The following ZNF771 variants were observed in gnomAD, a reference collection of about 807,000 sequenced individuals.
ZNF771 encodes the protein mesenchymal stem cell protein DSC43.
A neutral mutation model predicts 27.6 loss-of-function variants in ZNF771; 10 were observed. The ratio of observed to expected loss-of-function variants is 0.36; its 90% confidence interval spans 0.22 to 0.61. The LOEUF (loss-of-function observed/expected upper bound fraction) is 0.61. ZNF771 is among the 20% of genes least tolerant of loss of function. ZNF771 has a pLI of 0.70. For synonymous variants in ZNF771, 261 were observed against 225.2 expected (o/e 1.16, Z -1.43); for missense variants, 438 against 503.7 (o/e 0.87, Z 1.25).
intron 2 of ZNF771, among the ~76,000 whole-genome samples, chr16:30,408,963 C>T (rs1200113587): frequency 6.6e-6 from 1 of 151,230 alleles, no homozygotes; most frequent in Non-Finnish European, 1.5e-5. Context: ...TGCACCACTA[C>T]ACCTGGCTAA....
intron 2 of ZNF771, among the ~76,000 whole-genome samples, chr16:30,411,491 A>G (rs1462499384): frequency 2.0e-5 from 3 of 152,186 alleles, no homozygotes; most frequent in Non-Finnish European, 4.4e-5. Context: ...TGTGCGGTGA[A>G]GGTCTGACAT....
At chr16:30,407,938 C>T in intron 1 of ZNF771, 107 bp from the exon 2 acceptor site, 1 of 708,644 alleles carries the variant, frequency 1.4e-6, no homozygotes, top group Non-Finnish European at 2.2e-6. Context: ...CAGGGCAGGG[C>T]GGGAGAAGCC....
chr16:30,416,920 TAA>T (rs34982677), intron 2 of ZNF771, among the ~76,000 whole-genome samples: 38 of 100,802 alleles, frequency 3.8e-4, no homozygotes, highest in Admixed American at 5.4e-4. Context: ...CCCTGTCTCT[TAA>T]AAAAAAAAAA....
rs951058409 is a variant in ZNF771 at position 30,418,114 on chromosome 16, C to T, written c.701C>T (p.Ala234Val). The change falls in exon 3 of 3, where the codon GCT becomes GTT. Residue 234 changes from alanine to valine, a missense_variant. Ala to Val is a moderately conservative substitution (Grantham distance 64). This residue lies in a region of ZNF771 where 305 missense variants were observed against 308.0 expected (regional missense o/e 0.99). Transcript: ENST00000319296. The part of the protein sequence containing the change: ...VHTGEKPHRC[A>V]VCGRRFGHRS... Reference sequence around the variant, plus strand: ...ACGGGCGAGAAGCCGCACCGCTGCGCTGTGTGTGGCCGTCGCTTCGGCCAC... The same window carrying T: ...ACGGGCGAGAAGCCGCACCGCTGCGTTGTGTGTGGCCGTCGCTTCGGCCAC... 5.4e-6 allele frequency: 8 copies of T among 1,479,168 alleles called. No homozygotes were observed. The highest frequency in any genetic ancestry group is 7.1e-6 in the Non-Finnish European group (8 of 1,122,176). 91.6% of individuals were successfully genotyped at this position (1,479,168 alleles called of 1,614,324 possible). A position where few individuals can be genotyped will look rare whatever the true frequency, so the allele number is the denominator to read the frequency against.
Position 30,418,438 on chromosome 16 carries a change from CCG to C in ZNF771, c.*72_*73del. On this transcript the variant is annotated 3_prime_UTR_variant, in exon 3 of 3. Transcript: ENST00000319296. ...GCACTAACCCAGGCTCCTCCTCGCC[CCG>C]GCCTCCGGGTCTGGGAAATTGAGGG... 7 of 1,327,812 alleles carry C rather than the reference CCG, an allele frequency of 5.3e-6. No homozygotes were observed. The highest frequency in any genetic ancestry group is 6.8e-6 in the Non-Finnish European group (7 of 1,035,492). 82.3% of individuals were successfully genotyped at this position (1,327,812 alleles called of 1,614,324 possible). A position where few individuals can be genotyped will look rare whatever the true frequency, so the allele number is the denominator to read the frequency against.
chr16:30,417,700 G>A lies in ZNF771; in HGVS notation c.287G>A (p.Cys96Tyr). The change falls in exon 3 of 3, where the codon TGC (cysteine) becomes TAC (tyrosine). Residue 96 changes from cysteine (C) to tyrosine (Y), a missense_variant. Around this residue, in one of 3 missense-constraint regions of ZNF771, gnomAD observed 49 missense variants for 106.5 expected, o/e 0.46. Transcript: ENST00000319296. ...GAACGGCCCTTCGGGTGCACCGAGT[G>A]CGGGCGGCGCTTCTCACAGAAGTCG... ...TGERPFGCTE[C>Y]GRRFSQKSAL... The A allele has an allele frequency of 7.2e-7, 1 of 1,394,198 alleles. No individual in the cohort carries two copies. The allele number at this position is 1,394,198 out of a possible 1,614,324, so 86.4% of individuals were successfully genotyped here.
In ZNF771 at chr16:30,418,416, C is replaced by T. The variant is rs2050150523; in HGVS notation, c.*49C>T. 7.4e-7 allele frequency: 1 copy of T among 1,349,056 alleles called. No homozygotes were observed. The highest frequency in any genetic ancestry group is 1.8e-5 in the South Asian group (1 of 56,652). 83.6% of individuals were successfully genotyped at this position (1,349,056 alleles called of 1,614,324 possible). A position where few individuals can be genotyped will look rare whatever the true frequency, so the allele number is the denominator to read the frequency against. ...GCGCTGGGGCTTCGACCTGGCTGCA[C>T]TAACCCAGGCTCCTCCTCGCCCCGG... On this transcript the variant is annotated 3_prime_UTR_variant, in exon 3 of 3. Transcript: ENST00000319296.
rs373391412 is a variant in ZNF771 at position 30,419,186 on chromosome 16, A to G, written c.*819A>G. 2.0e-5 allele frequency: 3 copies of G among 152,464 alleles called. No homozygotes were observed. The highest frequency in any genetic ancestry group is 3.9e-4 in the East Asian group (2 of 5,188). 9.4% of individuals were successfully genotyped at this position (152,464 alleles called of 1,614,324 possible). A position where few individuals can be genotyped will look rare whatever the true frequency, so the allele number is the denominator to read the frequency against. On this transcript the variant is annotated 3_prime_UTR_variant, in exon 3 of 3. Coordinates refer to ENST00000319296, the MANE Select transcript of ZNF771 (RefSeq NM_001142305.2). ...GGGAGACAGAGGTTGCAATGAACCG[A>G]GATAGTGCCATTGCACTCCGGCCTG... is the stretch of plus-strand genomic sequence containing the variant.
chr16:30,418,397 G>A lies in ZNF771; in HGVS notation c.*30G>A. 7 of 1,364,364 alleles carry A rather than the reference G, an allele frequency of 5.1e-6. No individual in the cohort carries two copies. Among genetic ancestry groups the A allele is most frequent in the Non-Finnish European group, 6.6e-6 (7 of 1,063,388 alleles). 84.5% of individuals were successfully genotyped at this position (1,364,364 alleles called of 1,614,324 possible). On this transcript the variant is annotated 3_prime_UTR_variant, in exon 3 of 3. Coordinates refer to ENST00000319296, the MANE Select transcript of ZNF771 (RefSeq NM_001142305.2). ...CGCAGGGCTGCGGAGGGGCGCGCTGGGGCTTCGACCTGGCTGCACTAACCC... is the reference window on the plus strand; with the variant it reads ...CGCAGGGCTGCGGAGGGGCGCGCTGAGGCTTCGACCTGGCTGCACTAACCC...
rs2151126218 is a variant in ZNF771 at position 30,417,866 on chromosome 16, C to A, written c.453C>A (p.His151Gln). The A allele has an allele frequency of 1.3e-6, 2 of 1,503,602 alleles. No individual in the cohort carries two copies. Among genetic ancestry groups the A allele is most frequent in the South Asian group, 2.5e-5 (2 of 80,636 alleles). 93.1% of individuals were successfully genotyped at this position (1,503,602 alleles called of 1,614,324 possible). A position where few individuals can be genotyped will look rare whatever the true frequency, so the allele number is the denominator to read the frequency against. Residue 151 changes from histidine to glutamine, a missense_variant, in exon 3 of 3, where the codon CAC (histidine) becomes CAA (glutamine). By Grantham distance (24) the His-to-Gln change is conservative. This residue lies in a region of ZNF771 where 305 missense variants were observed against 308.0 expected (regional missense o/e 0.99). Transcript: ENST00000319296. ...HTGEKPYACA[H>Q]CGRRFAQSSN... is the part of the protein sequence containing the mutation. ...GCGAGAAGCCGTACGCATGCGCGCACTGCGGCCGCCGCTTCGCGCAGAGCT... is the reference window on the plus strand; with the variant it reads ...GCGAGAAGCCGTACGCATGCGCGCAATGCGGCCGCCGCTTCGCGCAGAGCT...
chr16:30,418,061 G>A lies in ZNF771; in HGVS notation c.648G>A (p.Ser216=), dbSNP rs780184432. The change falls in exon 3 of 3, where the codon TCG becomes TCA. Residue 216 remains serine (S), a synonymous_variant. Coordinates refer to ENST00000319296, the MANE Select transcript of ZNF771 (RefSeq NM_001142305.2). Reference sequence around the variant, plus strand: ...GCGGCACGCGCTTCGCTCAGAGCTCGGCGCTGGCCAAGCACCGGCGCGTGC... The same window carrying A: ...GCGGCACGCGCTTCGCTCAGAGCTCAGCGCTGGCCAAGCACCGGCGCGTGC... The part of the protein sequence containing the change: ...ADCGTRFAQS[S]ALAKHRRVHT... The A allele has an allele frequency of 7.5e-6, 11 of 1,469,504 alleles. No individual in the cohort carries two copies. In the South Asian group the frequency reaches 1.2e-4, roughly 16 times the overall value. 91.0% of individuals were successfully genotyped at this position (1,469,504 alleles called of 1,614,324 possible).
At chr16:30,414,800 C>G (rs1052114301) in intron 2 of ZNF771, among the ~76,000 whole-genome samples, 3 of 147,332 alleles carry the variant, frequency 2.0e-5, no homozygotes, top group Non-Finnish European at 2.9e-5. Context: ...CCTGCCACCA[C>G]GCCTGGCTAA....
Position 30,418,049 on chromosome 16 carries a change from C to T in ZNF771, c.636C>T (p.Phe212=), listed in dbSNP as rs1271733710. The T allele has an allele frequency of 2.1e-6, 3 of 1,456,436 alleles. No individual in the cohort carries two copies. The highest frequency in any genetic ancestry group is 1.5e-5 in the African/African-American group (1 of 67,526). 90.2% of individuals were successfully genotyped at this position (1,456,436 alleles called of 1,614,324 possible). The stretch of plus-strand genomic sequence containing the variant: ...CTTGCGCCGACTGCGGCACGCGCTT[C>T]GCTCAGAGCTCGGCGCTGGCCAAGC... The part of the protein sequence containing the change: ...PYACADCGTR[F]AQSSALAKHR... Residue 212 remains phenylalanine (F), a synonymous_variant, in exon 3 of 3, where the codon TTC becomes TTT. Transcript: ENST00000319296.
intron 1 of ZNF771, 103 bp from the exon 2 acceptor site, chr16:30,407,942 A>G (rs2074649852): frequency 1.5e-6 from 1 of 674,364 alleles, no homozygotes; most frequent in Non-Finnish European, 2.3e-6. Flanking sequence ...GCAGGGCGGG[A>G]GAAGCCACGG....
intron 2 of ZNF771, among the ~76,000 whole-genome samples, chr16:30,408,737 G>A (rs2050089583): frequency 6.6e-6 from 1 of 152,172 alleles, no homozygotes; most frequent in African/African-American, 2.4e-5. Flanking sequence ...GTAAAAGGAT[G>A]GCTTATGTGA....
Position 30,418,360 on chromosome 16 carries a change from G to C in ZNF771, c.947G>C (p.Gly316Ala). The C allele has an allele frequency of 7.0e-7, 1 of 1,428,844 alleles. No individual in the cohort carries two copies. The allele number at this position is 1,428,844 out of a possible 1,614,324, so 88.5% of individuals were successfully genotyped here. The change falls in exon 3 of 3, where the codon GGC becomes GCC. Residue 316 changes from glycine (G) to alanine (A), a missense_variant. By Grantham distance (60) the Gly-to-Ala change is moderately conservative. This residue lies in a region of ZNF771 where 305 missense variants were observed against 308.0 expected (regional missense o/e 0.99). Coordinates refer to ENST00000319296, the MANE Select transcript of ZNF771 (RefSeq NM_001142305.2). ...ACCGAGCGTTGCCCGGAGTGTGAGG[G>C]CAGCTGAGTCCCGCAGGGCTGCGGA... ...TATERCPECEGS is the reference protein window; with the variant it reads ...TATERCPECEAS
At position 30,408,028 on chromosome 16, in the gene ZNF771, C is replaced by G. The variant is rs767400671; in HGVS notation, c.-9-17C>G. The stretch of plus-strand genomic sequence containing the variant: ...GGGGGGCGGGTCCTGAGCTTCTGAT[C>G]CAGCTCCCCGCCTCAGGACACCAAG... On this transcript the variant is annotated splice_polypyrimidine_tract_variant and intron_variant, in intron 1 of 2. Transcript: ENST00000319296. The G allele has an allele frequency of 5.0e-5, 71 of 1,432,902 alleles. No individual in the cohort carries two copies. Among genetic ancestry groups the G allele is most frequent in the Non-Finnish European group, 6.2e-5 (66 of 1,071,110 alleles). 88.8% of individuals were successfully genotyped at this position (1,432,902 alleles called of 1,614,324 possible). A position where few individuals can be genotyped will look rare whatever the true frequency, so the allele number is the denominator to read the frequency against.
chr16:30,416,699 C>A (rs748380322), intron 2 of ZNF771, among the ~76,000 whole-genome samples: 1 of 152,068 alleles, frequency 6.6e-6, no homozygotes, highest in African/African-American at 2.4e-5. Flanking sequence ...CCCCAGTAGC[C>A]TGAGGGGAGC....
intron 1 of ZNF771, 142 bp from the exon 2 acceptor site, chr16:30,407,903 A>C: frequency 9.5e-6 from 5 of 526,790 alleles, no homozygotes; most frequent in East Asian, 3.5e-5. Flanking sequence ...GCTGGGGTGG[A>C]CGGGAGAGGA....
Sources: allele counts gnomAD v4.1 joint callset (sites outside exome capture counted in the v4.1 genomes callset), GRCh38; gene constraint gnomAD v4.1.1; regional missense constraint gnomAD v4.1.1; transcripts MANE v1.5; gene names NCBI Gene and HGNC (gene_info 2026-07-23, HGNC 2026-07-21).